RAD51B: variants seen among roughly 807,000 people sequenced by gnomAD.
The protein encoded by RAD51B is RAD51 paralog B.
In RAD51B, 38 loss-of-function variants were observed where a neutral mutation model predicts 42.2. That is an observed-to-expected ratio of 0.90 (90% CI 0.70 to 1.18). The LOEUF (loss-of-function observed/expected upper bound fraction) is 1.18, where lower values mean the gene tolerates loss of function less well. Among genes scored for constraint, RAD51B ranks in the 50% most tolerant of loss-of-function variants. The pLI is 0.00. For synonymous variants in RAD51B, 154 were observed against 145.2 expected, an observed-to-expected ratio of 1.06 and a Z score of -0.43; for missense variants, 373 against 400.7, an observed-to-expected ratio of 0.93 and a Z score of 0.59.
chr14:68,507,653 G>T (rs1389844695), intron 10 of RAD51B, among the ~76,000 whole-genome samples: 1 of 152,128 alleles, frequency 6.6e-6, no homozygotes, highest in African/African-American at 2.4e-5. Context: ...TCCAGATGGT[G>T]ACCAGCTCAC....
intron 7 of RAD51B, among the ~76,000 whole-genome samples, chr14:67,989,635 C>CAAAAAAA (rs764608072): frequency 2.8e-4 from 19 of 66,808 alleles, no homozygotes; most frequent in East Asian, 4.4e-4. Context: ...AACTCTGTCT[C>CAAAAAAA]AAAAAAAAAA....
At chr14:68,405,353 A>T (rs1439939196) in intron 8 of RAD51B, among the ~76,000 whole-genome samples, 1 of 152,152 alleles carries the variant, frequency 6.6e-6, no homozygotes, top group African/African-American at 2.4e-5. Context: ...CTGAGGTGGG[A>T]GGATTGCTTG....
At chr14:68,044,921 G>C (rs907713278) in intron 7 of RAD51B, among the ~76,000 whole-genome samples, 1 of 152,086 alleles carries the variant, frequency 6.6e-6, no homozygotes, top group East Asian at 1.9e-4. Flanking sequence ...CATCCCATGA[G>C]TCTGATGCTA....
intron 7 of RAD51B, among the ~76,000 whole-genome samples, chr14:68,073,102 C>T (rs185140331): frequency 2.6e-4 from 39 of 152,132 alleles, no homozygotes; most frequent in African/African-American, 8.7e-4. Context: ...ATGGTTTGTC[C>T]GATACTGTCA....
chr14:68,477,569 A>C, intron 10 of RAD51B, 79 bp from the exon 11 acceptor site: 1 of 1,476,660 alleles, frequency 6.8e-7, no homozygotes, highest in Non-Finnish European at 9.2e-7. Context: ...AGTTCCATTT[A>C]GGTTGCTGGT....
At chr14:68,131,545 A>C (rs1191162563) in intron 7 of RAD51B, among the ~76,000 whole-genome samples, 2 of 152,070 alleles carry the variant, frequency 1.3e-5, no homozygotes. Context: ...AAAATACAAA[A>C]ATTAGCCAGG....
chr14:68,652,879 C>T (rs1183599095), intron 11 of RAD51B, among the ~76,000 whole-genome samples: 3 of 152,212 alleles, frequency 2.0e-5, no homozygotes, highest in Non-Finnish European at 4.4e-5. Flanking sequence ...TTGACATCTG[C>T]TTTGTGAGCA....
intron 7 of RAD51B, among the ~76,000 whole-genome samples, chr14:67,998,506 A>C (rs1054173736): frequency 1.3e-5 from 2 of 152,344 alleles, no homozygotes; most frequent in East Asian, 1.9e-4. Context: ...ACTACCAAAA[A>C]CAGAATGGTA....
intron 8 of RAD51B, among the ~76,000 whole-genome samples, chr14:68,333,188 G>A (rs1044729625): frequency 2.6e-5 from 4 of 152,090 alleles, no homozygotes; most frequent in Admixed American, 6.5e-5. Flanking sequence ...TGTAACCTAG[G>A]ACCTTCTAGC....
At chr14:68,578,314 G>C (rs1047188698) in intron 10 of RAD51B, among the ~76,000 whole-genome samples, 1 of 152,154 alleles carries the variant, frequency 6.6e-6, no homozygotes, top group African/African-American at 2.4e-5. Context: ...GGGAGGCTGA[G>C]GCAAGAGAAT....
intron 8 of RAD51B, among the ~76,000 whole-genome samples, chr14:68,398,962 G>C (rs1470961142): frequency 6.6e-6 from 1 of 151,936 alleles, no homozygotes; most frequent in African/African-American, 2.4e-5. Flanking sequence ...TGGACTCTTG[G>C]GCATCACCTC....
At chr14:67,967,368 C>A (rs767891593) in intron 7 of RAD51B, among the ~76,000 whole-genome samples, 5 of 152,168 alleles carry the variant, frequency 3.3e-5, no homozygotes, top group African/African-American at 4.8e-5. Flanking sequence ...TCCTTATAGT[C>A]CCACAAAGTC....
intron 8 of RAD51B, among the ~76,000 whole-genome samples, chr14:68,302,171 C>T (rs770725384): frequency 4.6e-5 from 7 of 152,254 alleles, no homozygotes; most frequent in South Asian, 2.1e-4. Flanking sequence ...TTATTAGCCA[C>T]CTACCATCTG....
intron 8 of RAD51B, among the ~76,000 whole-genome samples, chr14:68,356,133 G>A (rs991800837): frequency 6.7e-6 from 1 of 148,628 alleles, no homozygotes; most frequent in African/African-American, 2.5e-5. Context: ...GTTTCCCAGT[G>A]CATATAAAAG....
chr14:68,370,745 T>G (rs2083236915), intron 8 of RAD51B, among the ~76,000 whole-genome samples: 1 of 152,106 alleles, frequency 6.6e-6, no homozygotes, highest in Admixed American at 6.5e-5. Context: ...TGAAGTGTAT[T>G]TTAAAAAATG....
chr14:68,186,573 T>G (rs537884639), intron 7 of RAD51B, among the ~76,000 whole-genome samples: 1 of 152,266 alleles, frequency 6.6e-6, no homozygotes, highest in South Asian at 2.1e-4. Context: ...AAGACACTTC[T>G]CAAAAGAAGA....
chr14:68,473,712 T>A (rs1021695563), intron 10 of RAD51B, among the ~76,000 whole-genome samples: 1 of 149,884 alleles, frequency 6.7e-6, no homozygotes, highest in African/African-American at 2.4e-5. Context: ...TTGTTTCAGA[T>A]TTTTTTTTTA....
intron 9 of RAD51B, among the ~76,000 whole-genome samples, chr14:68,424,607 C>T (rs768373613): frequency 2.0e-5 from 3 of 152,170 alleles, no homozygotes; most frequent in Non-Finnish European, 4.4e-5. Context: ...CTTGTGACTC[C>T]GTTCTGACAC....
chr14:68,010,765 T>C (rs1293068225), intron 7 of RAD51B, among the ~76,000 whole-genome samples: 1 of 151,846 alleles, frequency 6.6e-6, no homozygotes, highest in Non-Finnish European at 1.5e-5. Flanking sequence ...ATTTAGTAGA[T>C]ATTACAGAAT....
Sources: allele counts gnomAD v4.1 joint callset (sites outside exome capture counted in the v4.1 genomes callset), GRCh38; gene constraint gnomAD v4.1.1; transcripts MANE v1.5; gene names NCBI Gene and HGNC (gene_info 2026-07-23, HGNC 2026-07-21).